Variants in OPCML observed in about 807,000 individuals in gnomAD.
The protein encoded by OPCML is opioid-binding protein/cell adhesion molecule.
In OPCML, 13 loss-of-function variants were observed where a neutral mutation model predicts 37.8. The observed-to-expected ratio is 0.34, with a 90% CI of 0.22 to 0.55. OPCML has a LOEUF of 0.55. Among genes scored for constraint, OPCML ranks in the 20% least tolerant of loss-of-function variants. The pLI, the probability that OPCML is intolerant of heterozygous loss-of-function variation, is 0.91. For missense variants in OPCML, 341 were observed against 435.6 expected, an observed-to-expected ratio of 0.78 and a Z score of 1.93; for synonymous variants, 176 against 168.8, an observed-to-expected ratio of 1.04 and a Z score of -0.33.
At position 132,930,549 on chromosome 11, in the gene OPCML, A is replaced by G. The variant is rs1205150906; in HGVS notation, c.146+12377T>C. On this transcript the variant is annotated intron_variant, in intron 2 of 7. Transcript: ENST00000524381. ...GAATACAAAAATCAACAAAAAAATC[A>G]ATTGCATTTCTATAAACTAACAATA... Among the ~76,000 whole-genome samples the G allele has an allele frequency of 4.6e-5, 7 of 152,164 alleles. No individual in the cohort carries two copies. The East Asian group carries it at 1.2e-3, about 25-fold the overall frequency.
intron 2 of OPCML, among the ~76,000 whole-genome samples, chr11:132,673,252 G>C (rs1029751830): frequency 6.6e-6 from 1 of 152,018 alleles, no homozygotes; most frequent in Non-Finnish European, 1.5e-5. Flanking sequence ...AAGATCAGAG[G>C]TGATGTTCAT....
chr11:133,256,952 TAAAAC>T (rs1268635056), intron 1 of OPCML, among the ~76,000 whole-genome samples: 1 of 152,224 alleles, frequency 6.6e-6, no homozygotes. Context: ...GCTCTACAGT[TAAAAC>T]AAAACAAAAC....
chr11:133,403,063 G>A (rs1445539558), intron 1 of OPCML, among the ~76,000 whole-genome samples: 1 of 152,130 alleles, frequency 6.6e-6, no homozygotes, highest in Non-Finnish European at 1.5e-5. Context: ...GGCTCTATGA[G>A]GATAAGAGAT....
intron 1 of OPCML, among the ~76,000 whole-genome samples, chr11:133,215,432 A>G (rs1406260799): frequency 3.3e-5 from 5 of 152,126 alleles, no homozygotes; most frequent in Admixed American, 1.3e-4. Flanking sequence ...ATCTTCCTGG[A>G]TGTTTGAAAG....
chr11:133,131,941 A>G (rs1949610592), intron 1 of OPCML, among the ~76,000 whole-genome samples: 1 of 152,218 alleles, frequency 6.6e-6, no homozygotes, highest in African/African-American at 2.4e-5. Flanking sequence ...TCCATATTTT[A>G]TACCATATAC....
At chr11:132,765,513 G>T (rs1157468424) in intron 2 of OPCML, among the ~76,000 whole-genome samples, 1 of 151,706 alleles carries the variant, frequency 6.6e-6, no homozygotes, top group Non-Finnish European at 1.5e-5. Flanking sequence ...CTTAATTCCT[G>T]ATATGAGCAG....
At chr11:133,456,312 G>A (rs907813372) in intron 1 of OPCML, among the ~76,000 whole-genome samples, 1 of 152,138 alleles carries the variant, frequency 6.6e-6, no homozygotes, top group Non-Finnish European at 1.5e-5. Flanking sequence ...GTCCAACCAC[G>A]AAATATGCCT....
intron 1 of OPCML, among the ~76,000 whole-genome samples, chr11:133,270,432 C>G (rs1185506761): frequency 6.6e-6 from 1 of 152,092 alleles, no homozygotes; most frequent in Non-Finnish European, 1.5e-5. Context: ...TCCCTCTGGT[C>G]TCCTCCAAGT....
chr11:132,852,260 C>T (rs1209852444), intron 2 of OPCML, among the ~76,000 whole-genome samples: 3 of 151,910 alleles, frequency 2.0e-5, no homozygotes, highest in Non-Finnish European at 2.9e-5. Flanking sequence ...CACATATATG[C>T]AAAAAAACTA....
intron 2 of OPCML, among the ~76,000 whole-genome samples, chr11:132,891,634 C>G (rs1565941531): frequency 6.6e-6 from 1 of 152,178 alleles, no homozygotes; most frequent in Non-Finnish European, 1.5e-5. Flanking sequence ...CTCTTGTTCT[C>G]TCTTAGGCCT....
intron 4 of OPCML, among the ~76,000 whole-genome samples, chr11:132,501,636 G>A (rs1366267411): frequency 6.6e-6 from 1 of 152,184 alleles, no homozygotes; most frequent in African/African-American, 2.4e-5. Flanking sequence ...CACCATAATA[G>A]TCATATGGTT....
intron 2 of OPCML, among the ~76,000 whole-genome samples, chr11:132,698,807 T>A (rs954309641): frequency 1.3e-5 from 2 of 152,146 alleles, no homozygotes; most frequent in African/African-American, 4.8e-5. Context: ...GATTTTCATA[T>A]ATATATAGTT....
chr11:133,494,812 G>A (rs942728941), intron 1 of OPCML, among the ~76,000 whole-genome samples: 23 of 150,058 alleles, frequency 1.5e-4, no homozygotes, highest in Non-Finnish European at 2.5e-4. Context: ...CATGGCACAT[G>A]TATACATATG....
intron 2 of OPCML, among the ~76,000 whole-genome samples, chr11:132,756,166 A>G (rs371478457): frequency 6.6e-6 from 1 of 152,152 alleles, no homozygotes; most frequent in African/African-American, 2.4e-5. Flanking sequence ...AATGCATGTT[A>G]TAAGAGTACT....
At chr11:133,178,103 C>T (rs1396771051) in intron 1 of OPCML, among the ~76,000 whole-genome samples, 9 of 152,174 alleles carry the variant, frequency 5.9e-5, no homozygotes, top group African/African-American at 2.2e-4. Context: ...GCTCTAAAGT[C>T]AGGAGCTCTT....
intron 3 of OPCML, among the ~76,000 whole-genome samples, chr11:132,641,620 C>G (rs1416209727): frequency 1.3e-5 from 2 of 152,196 alleles, no homozygotes; most frequent in East Asian, 1.9e-4. Context: ...TTCTTCCCTT[C>G]CCACCTACAT....
chr11:133,278,336 T>G (rs567905591), intron 1 of OPCML, among the ~76,000 whole-genome samples: 1 of 150,870 alleles, frequency 6.6e-6, no homozygotes, highest in African/African-American at 2.4e-5. Flanking sequence ...TTAGGGGGGG[T>G]TATTGTTTGG....
chr11:133,402,776 C>T (rs182425472), intron 1 of OPCML, among the ~76,000 whole-genome samples: 132 of 152,186 alleles, frequency 8.7e-4, no homozygotes, highest in African/African-American at 2.2e-3. Context: ...CTAGACTGAC[C>T]GTATGGTTTC....
At chr11:133,179,620 T>G (rs955948459) in intron 1 of OPCML, among the ~76,000 whole-genome samples, 2 of 152,154 alleles carry the variant, frequency 1.3e-5, no homozygotes, top group African/African-American at 4.8e-5. Flanking sequence ...CGACCCATTC[T>G]GAAGAAGCTC....
Sources: gnomAD v4.1 joint callset for allele counts (sites outside exome capture counted in the v4.1 genomes callset) on GRCh38, gnomAD v4.1.1 for gene constraint, MANE v1.5 for transcripts, NCBI Gene and HGNC (gene_info 2026-07-23, HGNC 2026-07-21) for gene names.